PPFIA2: variants seen among roughly 807,000 people sequenced by gnomAD.
The protein encoded by PPFIA2 is PPFI scaffold protein A2, also known as liprin-alpha-2.
In PPFIA2, 46 loss-of-function variants were observed where a neutral mutation model predicts 175.5. That is an observed-to-expected ratio of 0.26 (90% confidence interval 0.21 to 0.34). The LOEUF (loss-of-function observed/expected upper bound fraction) is 0.34, where lower values mean the gene tolerates loss of function less well. Among genes scored for constraint, PPFIA2 ranks in the 10% least tolerant of loss-of-function variants. The pLI, the probability that PPFIA2 is intolerant of heterozygous loss-of-function variation, is 1.00. For synonymous variants in PPFIA2, 568 were observed against 511.4 expected, an observed-to-expected ratio of 1.11 and a Z score of -1.49; for missense variants, 1,179 against 1,506.1, an observed-to-expected ratio of 0.78 and a Z score of 3.60.
chr12:81,411,205 C>T (rs978468199), intron 7 of PPFIA2, among the ~76,000 whole-genome samples: 4 of 152,040 alleles, frequency 2.6e-5, no homozygotes, highest in African/African-American at 9.7e-5. Context: ...GTTTCTACAA[C>T]TTTGTGTTCC....
At position 81,325,834 on chromosome 12, in the gene PPFIA2, G is replaced by A. The variant is rs868604740; in HGVS notation, c.2585C>T (p.Ser862Phe). The A allele has an allele frequency of 1.2e-6, 2 of 1,612,674 alleles. No individual in the cohort carries two copies. Among genetic ancestry groups the A allele is most frequent in the Non-Finnish European group, 1.7e-6 (2 of 1,179,020 alleles). ...AGTTCCGAGTTTGCCTAACCCCAGG[G>A]ACTCCTGAGCTGCAGCTTCAGTCTC... is the stretch of plus-strand genomic sequence containing the variant. ...FMETEAAAQE[S>F]LGLGKLGTQA... Residue 862 changes from serine to phenylalanine, a missense_variant, in exon 22 of 33, where the codon TCC becomes TTC. Ser to Phe is a radical substitution (Grantham distance 155). Around this residue, in one of 10 missense-constraint regions of PPFIA2, gnomAD observed 223 missense variants for 241.6 expected, o/e 0.92. Transcript: ENST00000549396.
chr12:81,353,185 T>G lies in PPFIA2; in HGVS notation c.1928A>C (p.His643Pro), dbSNP rs2060317945. The G allele has an allele frequency of 6.2e-7, 1 of 1,613,786 alleles. No individual in the cohort carries two copies. Reference sequence around the variant, plus strand: ...CATGGCTAGCGTCTGGGCATCGGAATGACCACTTGGAGAGAGAAGATCCAT... The same window carrying G: ...CATGGCTAGCGTCTGGGCATCGGAAGGACCACTTGGAGAGAGAAGATCCAT... ...SSMDLLSPSGHSDAQTLAMML... is the reference protein window; with the variant it reads ...SSMDLLSPSGPSDAQTLAMML... Residue 643 changes from histidine to proline, a missense_variant, in exon 17 of 33, where the codon CAT becomes CCT. By Grantham distance (77) the His-to-Pro change is moderately conservative. This residue lies in a region of PPFIA2 where 186 missense variants were observed against 163.6 expected (regional missense o/e 1.14). Transcript: ENST00000549396.
intron 4 of PPFIA2, among the ~76,000 whole-genome samples, chr12:81,494,013 A>C (rs956084870): frequency 2.0e-5 from 3 of 151,966 alleles, no homozygotes; most frequent in Non-Finnish European, 4.4e-5. Flanking sequence ...CCTAGGCATT[A>C]CCATTCAGGA....
chr12:81,471,485 TC>T (rs1000109988), intron 4 of PPFIA2, among the ~76,000 whole-genome samples: 2 of 151,628 alleles, frequency 1.3e-5, no homozygotes, highest in African/African-American at 4.8e-5. Context: ...TTTTTTTTTT[TC>T]AAGGGTGAAT....
chr12:81,690,444 T>A (rs891485542), intron 3 of PPFIA2, among the ~76,000 whole-genome samples: 2 of 152,056 alleles, frequency 1.3e-5, no homozygotes, highest in African/African-American at 4.8e-5. Context: ...ATTTTTCGCA[T>A]CTTTACACTT....
At chr12:81,538,972 T>C (rs1396063989) in intron 4 of PPFIA2, among the ~76,000 whole-genome samples, 1 of 151,966 alleles carries the variant, frequency 6.6e-6, no homozygotes, top group Non-Finnish European at 1.5e-5. Flanking sequence ...AGGACTATTG[T>C]AATAATCCAG....
intron 4 of PPFIA2, among the ~76,000 whole-genome samples, chr12:81,662,236 C>G (rs529868281): frequency 1.1e-4 from 17 of 152,002 alleles, no homozygotes; most frequent in African/African-American, 3.6e-4. Context: ...ATAAAAAAAC[C>G]CTTCAAAAAA....
chr12:81,311,928 A>G (rs2051004104), intron 22 of PPFIA2: 1 of 561,296 alleles, frequency 1.8e-6, no homozygotes, highest in East Asian at 2.8e-5. Context: ...TGTATAATAA[A>G]ACTGAAGAAA....
In PPFIA2 at chr12:81,565,433, G is replaced by C. The variant is rs150261139; in HGVS notation, c.304-107567C>G. The stretch of plus-strand genomic sequence containing the variant: ...GGCTCTCCTTGTTCCTCAGCCTGCA[G>C]ATGGCCTATTGTGGGACCTTGTGAT... On this transcript the variant is annotated intron_variant, in intron 4 of 32. Coordinates refer to ENST00000549396, the MANE Select transcript of PPFIA2 (RefSeq NM_003625.5). 4.9e-3 allele frequency among the ~76,000 whole-genome samples: 751 copies of C among 152,232 alleles called. 9 individuals are homozygous for C. The highest frequency in any genetic ancestry group is 0.017 in the African/African-American group (719 of 41,516).
intron 9 of PPFIA2, among the ~76,000 whole-genome samples, chr12:81,382,427 T>C (rs758881120): frequency 3.9e-5 from 6 of 152,290 alleles, no homozygotes; most frequent in Admixed American, 2.6e-4. Flanking sequence ...CTCAAGCTGC[T>C]GTGTTGAGCA....
chr12:81,346,335 A>G (rs1357868040), intron 18 of PPFIA2, among the ~76,000 whole-genome samples: 2 of 152,020 alleles, frequency 1.3e-5, no homozygotes, highest in African/African-American at 2.4e-5. Context: ...CACTCCATTT[A>G]TACTCTCAAA....
chr12:81,389,125 T>TTATATA (rs61254401), intron 8 of PPFIA2, among the ~76,000 whole-genome samples: 15 of 144,942 alleles, frequency 1.0e-4, no homozygotes, highest in African/African-American at 3.8e-4. Flanking sequence ...ATTCAATATT[T>TTATATA]TATATATATA....
intron 8 of PPFIA2, among the ~76,000 whole-genome samples, chr12:81,384,822 TTAACA>T (rs1175635410): frequency 6.6e-6 from 1 of 152,144 alleles, no homozygotes; most frequent in Non-Finnish European, 1.5e-5. Flanking sequence ...TATATTGCTA[TTAACA>T]TAAAATCATG....
At chr12:81,742,884 G>A (rs1042441023) in intron 3 of PPFIA2, among the ~76,000 whole-genome samples, 1 of 152,054 alleles carries the variant, frequency 6.6e-6, no homozygotes, top group African/African-American at 2.4e-5. Context: ...GAAAGAAGGG[G>A]GATCCACTGT....
At chr12:81,596,909 G>A (rs536830693) in intron 4 of PPFIA2, among the ~76,000 whole-genome samples, 1 of 151,986 alleles carries the variant, frequency 6.6e-6, no homozygotes, top group Non-Finnish European at 1.5e-5. Context: ...AGTATAGAAA[G>A]GGGAGAGAGA....
chr12:81,379,710 A>G (rs1364710734), intron 9 of PPFIA2, among the ~76,000 whole-genome samples: 1 of 152,180 alleles, frequency 6.6e-6, no homozygotes, highest in East Asian at 1.9e-4. Flanking sequence ...ATCAAAATCA[A>G]TTTAAGGAGT....
intron 4 of PPFIA2, among the ~76,000 whole-genome samples, chr12:81,534,578 T>C (rs1341878216): frequency 6.6e-6 from 1 of 151,740 alleles, no homozygotes; most frequent in Non-Finnish European, 1.5e-5. Context: ...TAAGGGACCC[T>C]AAGCACTAAT....
intron 11 of PPFIA2, among the ~76,000 whole-genome samples, chr12:81,372,513 G>GAAAAAAAAAAAAAAAACAAAAAAAAAAAA (rs2035397446): frequency 1.1e-5 from 1 of 93,632 alleles, no homozygotes; most frequent in Non-Finnish European, 2.6e-5. Flanking sequence ...AATTGAAACA[G>GAAAAAAAAAAAAAAAACAAAAAAAAAAAA]AAAAAAAAAA....
chr12:81,375,356 T>A (rs1389858708), intron 10 of PPFIA2, among the ~76,000 whole-genome samples: 1 of 152,138 alleles, frequency 6.6e-6, no homozygotes, highest in African/African-American at 2.4e-5. Flanking sequence ...CCCACGGCTA[T>A]AGTTTGCCTG....
Sources: gnomAD v4.1 joint callset for allele counts (sites outside exome capture counted in the v4.1 genomes callset) on GRCh38, gnomAD v4.1.1 for gene constraint, gnomAD v4.1.1 regional missense constraint, MANE v1.5 for transcripts, NCBI Gene and HGNC (gene_info 2026-07-23, HGNC 2026-07-21) for gene names.